FCSK: variants seen among roughly 807,000 people sequenced by gnomAD.
The protein encoded by FCSK is fucose kinase.
In FCSK, 123 loss-of-function variants were observed where a neutral mutation model predicts 122.5. That is an observed-to-expected ratio of 1.00 (90% CI 0.87 to 1.17). The LOEUF is 1.17. Among genes scored for constraint, FCSK ranks in the 50% most tolerant of loss-of-function variants. The pLI is 0.00. For synonymous variants in FCSK, 620 were observed against 625.5 expected (o/e 0.99, Z 0.13); for missense variants, 1,366 against 1,450.4 (o/e 0.94, Z 0.95).
chr16:70,474,150 C>G lies in FCSK; in HGVS notation c.1799C>G (p.Pro600Arg), dbSNP rs2151725268. The G allele has an allele frequency of 1.3e-6, 2 of 1,552,482 alleles. No homozygotes were observed. Among genetic ancestry groups the G allele is most frequent in the Middle Eastern group, 1.7e-4 (1 of 5,958 alleles). ...TCAGTTGCAGCTGGGGCAGGAGACC[C>G]TGGTGTGGCGGCACGGGCACTGGCC... ...LDQVAAGAGD[P>R]GVAARALACV... The change falls in exon 16 of 24, where the codon CCT (proline) becomes CGT (arginine). Residue 600 changes from proline to arginine, a missense_variant. Transcript: ENST00000288078.
chr16:70,480,029 C>T lies in FCSK; in HGVS notation c.*349C>T. On this transcript the variant is annotated 3_prime_UTR_variant, in exon 24 of 24. Coordinates refer to ENST00000288078, the MANE Select transcript of FCSK (RefSeq NM_145059.3). ...TATGGCTGGGAGTCCCTTAGCAAGG[C>T]CAACCCTGAAGAGGCCCTTTGAGGC... is the stretch of plus-strand genomic sequence containing the variant. 4.7e-6 allele frequency: 1 copy of T among 212,796 alleles called. No individual in the cohort carries two copies. The allele number at this position is 212,796 out of a possible 1,614,324, so 13.2% of individuals were successfully genotyped here.
intron 6 of FCSK, 69 bp downstream of exon 6, chr16:70,467,023 C>G (rs2048440318): frequency 7.0e-7 from 1 of 1,433,992 alleles, no homozygotes; most frequent in Non-Finnish European, 9.8e-7. Flanking sequence ...CTCTGCCCTT[C>G]TTGCCCACCC....
At chr16:70,459,537 CAGAA>C (rs2048197363) in intron 1 of FCSK, among the ~76,000 whole-genome samples, 1 of 151,200 alleles carries the variant, frequency 6.6e-6, no homozygotes, top group Admixed American at 6.6e-5. Flanking sequence ...GACTCCATCT[CAGAA>C]AGAAAAAAAG....
In FCSK at chr16:70,463,065, C is replaced by T. The variant is rs144534998; in HGVS notation, c.-22-104C>T. On this transcript the variant is annotated intron_variant, in intron 1 of 23. Transcript: ENST00000288078. Reference sequence around the variant, plus strand: ...TTGAGTGTAGATGGTGATACCAACACGAATCTATACACATGTTAAAATCAT... The same window carrying T: ...TTGAGTGTAGATGGTGATACCAACATGAATCTATACACATGTTAAAATCAT... 1.6e-3 allele frequency: 1,053 copies of T among 664,214 alleles called. 4 individuals are homozygous for T. Among genetic ancestry groups the T allele is most frequent in the Non-Finnish European group, 2.2e-3 (893 of 405,180 alleles). The allele number at this position is 664,214 out of a possible 1,614,324, so 41.1% of individuals were successfully genotyped here. A position where few individuals can be genotyped will look rare whatever the true frequency, so the allele number is the denominator to read the frequency against.
At chr16:70,477,911 G>T in intron 20 of FCSK, 1 of 209,422 alleles carries the variant, frequency 4.8e-6, no homozygotes. Flanking sequence ...TCAAACTCCT[G>T]ACCTCAAATG....
chr16:70,465,779 C>CT (rs1422664850), intron 4 of FCSK, among the ~76,000 whole-genome samples: 5 of 152,066 alleles, frequency 3.3e-5, no homozygotes, highest in Non-Finnish European at 7.4e-5. Flanking sequence ...TGGTGAAACT[C>CT]TGTCTTTACT....
rs573350927 is a variant in FCSK, at chr16:70,479,171, C to G, written c.2930-9C>G. Reference sequence around the variant, plus strand: ...CCCAGGCACGTCACTCCCCTCTGCCCCACCTCAGGAAGCCTGCCTCTGCTG... The same window carrying G: ...CCCAGGCACGTCACTCCCCTCTGCCGCACCTCAGGAAGCCTGCCTCTGCTG... On this transcript the variant is annotated splice_polypyrimidine_tract_variant and intron_variant, in intron 22 of 23. Coordinates refer to ENST00000288078, the MANE Select transcript of FCSK (RefSeq NM_145059.3). The G allele has an allele frequency of 8.1e-6, 13 of 1,609,430 alleles. No individual in the cohort carries two copies. The South Asian group carries it at 9.9e-5, about 12-fold the overall frequency.
At chr16:70,457,005 G>A (rs2048111563) in intron 1 of FCSK, among the ~76,000 whole-genome samples, 1 of 151,776 alleles carries the variant, frequency 6.6e-6, no homozygotes, top group Non-Finnish European at 1.5e-5. Context: ...GGGTGACAGA[G>A]CGAGACTCCA....
Position 70,469,283 on chromosome 16 carries a change from C to T in FCSK, c.915C>T (p.Ala305=). Residue 305 remains alanine (A), a synonymous_variant, in exon 10 of 24, where the codon GCC becomes GCT. Transcript: ENST00000288078. ...CGGGTTATCTGCAGAGCGCCCGGGC[C>T]CAGCTGTGGAGGGAGCTTCGCGATC... ...DVAGYLQSAR[A]QLWRELRDQP... 6.2e-7 allele frequency: 1 copy of T among 1,611,640 alleles called. No homozygotes were observed. Among genetic ancestry groups the T allele is most frequent in the Non-Finnish European group, 8.5e-7 (1 of 1,179,426 alleles).
At position 70,460,104 on chromosome 16, in the gene FCSK, C is replaced by CT. The variant is rs564125150; in HGVS notation, c.-22-3045dup. On this transcript the variant is annotated intron_variant, in intron 1 of 23. Coordinates refer to ENST00000288078, the MANE Select transcript of FCSK (RefSeq NM_145059.3). ...GTGAGCCGCCAACCACGTCTAGCCT[C>CT]TTTTTTTTTTTTTTTTTTTTGAGAC... 5.5e-3 allele frequency among the ~76,000 whole-genome samples: 691 copies of CT among 126,454 alleles called. 3 individuals are homozygous for CT. The highest frequency in any genetic ancestry group is 0.013 in the East Asian group (57 of 4,504). The allele number at this position is 126,454 out of a possible 152,430, so 83.0% of individuals were successfully genotyped here. A position where few individuals can be genotyped will look rare whatever the true frequency, so the allele number is the denominator to read the frequency against.
intron 4 of FCSK, 102 bp downstream of exon 4, chr16:70,465,278 T>C: frequency 8.7e-7 from 1 of 1,146,256 alleles, no homozygotes; most frequent in East Asian, 2.5e-5. Context: ...GTGTGCAAGA[T>C]GAAATCTGAA....
At chr16:70,475,085 C>A in intron 18 of FCSK, 74 bp downstream of exon 18, 1 of 1,384,138 alleles carries the variant, frequency 7.2e-7, no homozygotes, top group Non-Finnish European at 9.8e-7. Flanking sequence ...AGACTGCAGG[C>A]CAGTGGGGTC....
Position 70,479,581 on chromosome 16 carries a change from C to T in FCSK, c.3156C>T (p.Gly1052=). The change falls in exon 24 of 24, where the codon GGC becomes GGT. Residue 1052 remains glycine, a splice_region_variant and synonymous_variant. Transcript: ENST00000288078. The stretch of plus-strand genomic sequence containing the variant: ...TAAATACTTCCTGTCTTGTCCAGGG[C>T]CTTGGGAATTACAGCATCCACCTGG... The part of the protein sequence containing the change: ...ALEAVLAKTE[G]LGNYSIHLVE... 1.2e-6 allele frequency: 2 copies of T among 1,613,508 alleles called. No individual in the cohort carries two copies. The highest frequency in any genetic ancestry group is 1.7e-6 in the Non-Finnish European group (2 of 1,179,578).
intron 4 of FCSK, among the ~76,000 whole-genome samples, chr16:70,465,551 A>G (rs938242556): frequency 1.3e-5 from 2 of 151,912 alleles, no homozygotes; most frequent in African/African-American, 2.4e-5. Context: ...CCAGCTACTC[A>G]GGAGGCTGAG....
At chr16:70,472,863 C>T in intron 14 of FCSK, 120 bp from the exon 15 acceptor site, 2 of 1,290,292 alleles carry the variant, frequency 1.6e-6, no homozygotes, top group South Asian at 1.5e-5. Context: ...CTGAATTGCC[C>T]ACTTATGCTA....
chr16:70,461,483 C>CA (rs898386848), intron 1 of FCSK, among the ~76,000 whole-genome samples: 35 of 152,158 alleles, frequency 2.3e-4, no homozygotes, highest in African/African-American at 6.3e-4. Context: ...GGGGTGAAGC[C>CA]AAATCTTTGG....
At chr16:70,472,845 C>T in intron 14 of FCSK, 138 bp from the exon 15 acceptor site, 1 of 1,107,876 alleles carries the variant, frequency 9.0e-7, no homozygotes. Flanking sequence ...GGCAGCCTGG[C>T]CCCCGACCTG....
At chr16:70,465,752 G>A (rs1234405491) in intron 4 of FCSK, among the ~76,000 whole-genome samples, 1 of 152,094 alleles carries the variant, frequency 6.6e-6, no homozygotes, top group African/African-American at 2.4e-5. Context: ...AGGAGTTTGA[G>A]ATCAGCCTGG....
Position 70,469,392 on chromosome 16 carries a change from C to T in FCSK, c.955+69C>T, listed in dbSNP as rs2048537962. The T allele has an allele frequency of 2.8e-6, 4 of 1,449,362 alleles. No individual in the cohort carries two copies. The South Asian group carries it at 5.3e-5, about 19-fold the overall frequency. The allele number at this position is 1,449,362 out of a possible 1,614,324, so 89.8% of individuals were successfully genotyped here. On this transcript the variant is annotated intron_variant, in intron 10 of 23. Coordinates refer to ENST00000288078, the MANE Select transcript of FCSK (RefSeq NM_145059.3). ...AGTGAGGACCCCAAGAATGGAGCTG[C>T]TCACTGCATGCTGGGCCAGGCAGCC...
Sources: gnomAD v4.1 joint callset for allele counts (sites outside exome capture counted in the v4.1 genomes callset) on GRCh38, gnomAD v4.1.1 for gene constraint, MANE v1.5 for transcripts, NCBI Gene and HGNC (gene_info 2026-07-23, HGNC 2026-07-21) for gene names.